Variants in EMC10 observed in about 807,000 individuals in gnomAD.
The protein encoded by EMC10 is ER membrane protein complex subunit 10, also known as UPF0510 protein INM02.
EMC10 carries 40 observed loss-of-function variants against 32.2 expected under a neutral mutation model. The observed-to-expected ratio is 1.24, with a 90% CI of 0.96 to 1.61. EMC10 has a LOEUF of 1.61. Among genes scored for constraint, EMC10 ranks in the 40% most tolerant of loss-of-function variants. The pLI is 0.00. For synonymous variants in EMC10, 178 were observed against 158.4 expected, an observed-to-expected ratio of 1.12 and a Z score of -0.93; for missense variants, 402 against 357.7, an observed-to-expected ratio of 1.12 and a Z score of -1.00.
At position 50,486,665 on chromosome 19, in the gene EMC10, A is replaced by G. The variant is rs528057364; in HGVS notation, c.*4406A>G. ...ATTTGGCCCATTTCCTGGAAATGCA[A>G]TCTCCCAAACAGGTTTGTGTGAACC... On this transcript the variant is annotated 3_prime_UTR_variant, in exon 7 of 7. Coordinates refer to ENST00000334976, the MANE Select transcript of EMC10 (RefSeq NM_206538.4). 5 of 152,218 alleles carry G rather than the reference A, an allele frequency of 3.3e-5. No individual in the cohort carries two copies. The South Asian group carries it at 6.2e-4, about 19-fold the overall frequency. The allele number at this position is 152,218 out of a possible 1,614,324, so 9.4% of individuals were successfully genotyped here. A position where few individuals can be genotyped will look rare whatever the true frequency, so the allele number is the denominator to read the frequency against.
chr19:50,480,073 C>T lies in EMC10; in HGVS notation c.298-38C>T. The stretch of plus-strand genomic sequence containing the variant: ...CATCACAGCCTGTCCAGGGCTGACA[C>T]CATCCTTCTGACCAGCACCCTCTTC... On this transcript the variant is annotated intron_variant, in intron 3 of 6. Coordinates refer to ENST00000334976, the MANE Select transcript of EMC10 (RefSeq NM_206538.4). This position sits in a 1 kb window ranked among gnomAD's most constrained non-coding sequence, Gnocchi z 4.4. 6.5e-7 allele frequency: 1 copy of T among 1,534,644 alleles called. No homozygotes were observed. Among genetic ancestry groups the T allele is most frequent in the Non-Finnish European group, 8.9e-7 (1 of 1,126,402 alleles).
In EMC10 at chr19:50,480,905, T is replaced by G; in HGVS notation, c.606T>G (p.Ile202Met). 1.2e-6 allele frequency: 2 copies of G among 1,609,650 alleles called. No individual in the cohort carries two copies. Among genetic ancestry groups the G allele is most frequent in the South Asian group, 2.2e-5 (2 of 90,918 alleles). ...CCAGCCCTGAGACGGCGGCCTTCAT[T>G]GAGCGCCTGGAGATGGAACAGGCCC... ...TAPGPETAAF[I>M]ERLEMEQAQK... Residue 202 changes from isoleucine to methionine, a missense_variant, in exon 6 of 7, where the codon ATT (isoleucine) becomes ATG (methionine). By Grantham distance (10) the Ile-to-Met change is conservative. Transcript: ENST00000334976. This position sits in a 1 kb window ranked among gnomAD's most constrained non-coding sequence, Gnocchi z 4.4.
rs1043374847 is a variant in EMC10 at position 50,476,817 on chromosome 19, G to A, written c.114+159G>A. The A allele has an allele frequency of 7.3e-6, 4 of 547,230 alleles. No individual in the cohort carries two copies. In the African/African-American group the frequency reaches 8.0e-5, roughly 11 times the overall value. 33.9% of individuals were successfully genotyped at this position (547,230 alleles called of 1,614,324 possible). On this transcript the variant is annotated intron_variant, in intron 1 of 6. Transcript: ENST00000334976. ...GGCCTCAGTCACGCACGCGCAGGAG[G>A]GGCCTCGCCAGTGCACCGGGTTGCA... is the stretch of plus-strand genomic sequence containing the variant.
At position 50,487,436 on chromosome 19, in the gene EMC10, G is replaced by C. The variant is rs1028371346; in HGVS notation, c.*5177G>C. On this transcript the variant is annotated 3_prime_UTR_variant, in exon 7 of 7. Coordinates refer to ENST00000334976, the MANE Select transcript of EMC10 (RefSeq NM_206538.4). Reference sequence around the variant, plus strand: ...AAGTTGCTTCCTGTCTCTGAGCGTCGTCTTTGTTTCCGCCTTCCTGGGCCT... The same window carrying C: ...AAGTTGCTTCCTGTCTCTGAGCGTCCTCTTTGTTTCCGCCTTCCTGGGCCT... 1.3e-5 allele frequency: 2 copies of C among 152,466 alleles called. No homozygotes were observed. Among genetic ancestry groups the C allele is most frequent in the African/African-American group, 4.8e-5 (2 of 41,450 alleles). The allele number at this position is 152,466 out of a possible 1,614,324, so 9.4% of individuals were successfully genotyped here.
rs368218852 is a variant in EMC10, at chr19:50,483,437, C to G, written c.*1178C>G. On this transcript the variant is annotated 3_prime_UTR_variant, in exon 7 of 7. Transcript: ENST00000334976. Reference sequence around the variant, plus strand: ...CTCTTGGGTGTGGTTTGAATGATCTCGGGATGCATGACTAAAATGGAATTA... The same window carrying G: ...CTCTTGGGTGTGGTTTGAATGATCTGGGGATGCATGACTAAAATGGAATTA... The G allele has an allele frequency of 5.8e-6, 1 of 171,318 alleles. No individual in the cohort carries two copies. The highest frequency in any genetic ancestry group is 2.4e-5 in the African/African-American group (1 of 41,772). 10.6% of individuals were successfully genotyped at this position (171,318 alleles called of 1,614,324 possible).
chr19:50,479,799 C>T (rs1319061993), intron 3 of EMC10, among the ~76,000 whole-genome samples: 3 of 152,242 alleles, frequency 2.0e-5, no homozygotes, highest in African/African-American at 4.8e-5. Context: ...ATAGGGTGGA[C>T]GCCAGGTGCA....
In EMC10 at chr19:50,489,135, C is replaced by T. The variant is rs990084337; in HGVS notation, c.*6876C>T. 17 of 151,530 alleles carry T rather than the reference C, an allele frequency of 1.1e-4. No homozygotes were observed. The highest frequency in any genetic ancestry group is 3.9e-4 in the African/African-American group (16 of 41,004). 9.4% of individuals were successfully genotyped at this position (151,530 alleles called of 1,614,324 possible). A position where few individuals can be genotyped will look rare whatever the true frequency, so the allele number is the denominator to read the frequency against. ...TTAAGAAGGGAAGGAGAGAGACAGA[C>T]ATTAGGGAAGAAGGAAAGGAGAAAG... On this transcript the variant is annotated 3_prime_UTR_variant, in exon 7 of 7. Transcript: ENST00000334976.
At chr19:50,479,277 C>T (rs1160612900) in intron 3 of EMC10, among the ~76,000 whole-genome samples, 1 of 152,254 alleles carries the variant, frequency 6.6e-6, no homozygotes, top group Non-Finnish European at 1.5e-5. Context: ...TGGTGTCCTG[C>T]ATCACGGCCT....
chr19:50,482,079 C>G, intron 6 of EMC10, 70 bp from the exon 7 acceptor site: 1 of 1,381,780 alleles, frequency 7.2e-7, no homozygotes, highest in South Asian at 1.2e-5. Context: ...GTGGGTGATG[C>G]CCACACTCAC....
rs2040377284 is a variant in EMC10, at chr19:50,485,247, T to G, written c.*2988T>G. On this transcript the variant is annotated 3_prime_UTR_variant, in exon 7 of 7. Coordinates refer to ENST00000334976, the MANE Select transcript of EMC10 (RefSeq NM_206538.4). The stretch of plus-strand genomic sequence containing the variant: ...ATGTGTGTGTGATGGTGGTGCATGC[T>G]TCCCCCTTGCTACTCCAGGTGTCTG... 6.6e-6 allele frequency: 1 copy of G among 152,166 alleles called. No homozygotes were observed. The highest frequency in any genetic ancestry group is 6.5e-5 in the Admixed American group (1 of 15,274). 9.4% of individuals were successfully genotyped at this position (152,166 alleles called of 1,614,324 possible).
rs1372601554 is a variant in EMC10, at chr19:50,482,385, C to T, written c.*126C>T. ...CCTCCTTTCCCCCCGTCCCACGAGG[C>T]CACCTGGGCCAGCCCCTTGTCCTCT... is the stretch of plus-strand genomic sequence containing the variant. On this transcript the variant is annotated 3_prime_UTR_variant, in exon 7 of 7. Coordinates refer to ENST00000334976, the MANE Select transcript of EMC10 (RefSeq NM_206538.4). 3.3e-6 allele frequency: 2 copies of T among 610,448 alleles called. No homozygotes were observed. The highest frequency in any genetic ancestry group is 1.9e-5 in the South Asian group (1 of 51,842). 37.8% of individuals were successfully genotyped at this position (610,448 alleles called of 1,614,324 possible).
At chr19:50,481,401 C>G in intron 6 of EMC10, 2 of 218,512 alleles carry the variant, frequency 9.2e-6, no homozygotes, top group Non-Finnish European at 1.8e-5. Flanking sequence ...CCTGGGAGGC[C>G]TCCTGGAGCT....
chr19:50,480,525 A>G lies in EMC10; in HGVS notation c.403-56A>G, dbSNP rs2040300758. The G allele has an allele frequency of 9.8e-6, 15 of 1,528,104 alleles. No individual in the cohort carries two copies. Among genetic ancestry groups the G allele is most frequent in the Non-Finnish European group, 1.3e-5 (15 of 1,131,694 alleles). The allele number at this position is 1,528,104 out of a possible 1,614,324, so 94.7% of individuals were successfully genotyped here. ...CCTGTGGTGGGGGCCGGGGGAGGTT[A>G]GGGTGGAGCCCAGGCAGCAGGCTCC... On this transcript the variant is annotated intron_variant, in intron 4 of 6. Transcript: ENST00000334976. The surrounding 1 kb of genome is among the most constrained non-coding windows in gnomAD (Gnocchi z 4.4).
At position 50,489,398 on chromosome 19, in the gene EMC10, C is replaced by G. The variant is rs923013719; in HGVS notation, c.*7139C>G. 1 of 152,392 alleles carries G rather than the reference C, an allele frequency of 6.6e-6. No individual in the cohort carries two copies. The highest frequency in any genetic ancestry group is 2.4e-5 in the African/African-American group (1 of 41,448). The allele number at this position is 152,392 out of a possible 1,614,324, so 9.4% of individuals were successfully genotyped here. The stretch of plus-strand genomic sequence containing the variant: ...AGAAGGGAGAGAGGATTGGAAGTAG[C>G]GACAGAGGACCATGCCCCTCCAGCT... On this transcript the variant is annotated 3_prime_UTR_variant, in exon 7 of 7. Transcript: ENST00000334976.
In EMC10 at chr19:50,487,096, C is replaced by T. The variant is rs45560038; in HGVS notation, c.*4837C>T. ...GGAGGGAAGTGTCCTGCAGGGGGCGCTGTTGGTCCTTCAGGCAAGGTCGGG... is the reference window on the plus strand; with the variant it reads ...GGAGGGAAGTGTCCTGCAGGGGGCGTTGTTGGTCCTTCAGGCAAGGTCGGG... On this transcript the variant is annotated 3_prime_UTR_variant, in exon 7 of 7. Transcript: ENST00000334976. 0.12 allele frequency: 17,628 copies of T among 152,180 alleles called. 1,272 individuals carry two copies. The highest frequency in any genetic ancestry group is 0.16 in the Non-Finnish European group (10,980 of 67,992). 9.4% of individuals were successfully genotyped at this position (152,180 alleles called of 1,614,324 possible). A position where few individuals can be genotyped will look rare whatever the true frequency, so the allele number is the denominator to read the frequency against.
intron 6 of EMC10, 48 bp downstream of exon 6, chr19:50,481,025 G>C (rs768272380): frequency 1.3e-6 from 2 of 1,486,216 alleles, no homozygotes; most frequent in Non-Finnish European, 1.9e-6. Flanking sequence ...GACAGTCCCG[G>C]TGCCTGGCCA....
intron 6 of EMC10, chr19:50,481,794 A>G (rs1432668383): frequency 5.7e-6 from 8 of 1,415,458 alleles, no homozygotes; most frequent in Non-Finnish European, 7.5e-6. Flanking sequence ...GCGCCCTCCC[A>G]CTCCCTGCTG....
rs2040351007 is a variant in EMC10, at chr19:50,483,198, AC to A, written c.*940del. ...CAAAAGCAACTGTTGTTTTGGCAAG[AC>A]GGTCCTGATGTACAAGCTTGATTGA... On this transcript the variant is annotated 3_prime_UTR_variant, in exon 7 of 7. Coordinates refer to ENST00000334976, the MANE Select transcript of EMC10 (RefSeq NM_206538.4). 2.2e-6 allele frequency: 1 copy of A among 449,738 alleles called. No homozygotes were observed. 27.9% of individuals were successfully genotyped at this position (449,738 alleles called of 1,614,324 possible). A position where few individuals can be genotyped will look rare whatever the true frequency, so the allele number is the denominator to read the frequency against.
rs1055710593 is a variant in EMC10 at position 50,487,345 on chromosome 19, C to G, written c.*5086C>G. ...GGATCGGCAGATTCAGGAGCCCACT[C>G]CTGGCCAACCCCAGGGGCCCCACCC... On this transcript the variant is annotated 3_prime_UTR_variant, in exon 7 of 7. Coordinates refer to ENST00000334976, the MANE Select transcript of EMC10 (RefSeq NM_206538.4). The G allele has an allele frequency of 2.0e-5, 3 of 152,304 alleles. No homozygotes were observed. Among genetic ancestry groups the G allele is most frequent in the Non-Finnish European group, 4.4e-5 (3 of 68,102 alleles). 9.4% of individuals were successfully genotyped at this position (152,304 alleles called of 1,614,324 possible).
Sources: allele counts gnomAD v4.1 joint callset (sites outside exome capture counted in the v4.1 genomes callset), GRCh38; gene constraint gnomAD v4.1.1; non-coding constraint Gnocchi (gnomAD v3.1); transcripts MANE v1.5; gene names NCBI Gene and HGNC (gene_info 2026-07-23, HGNC 2026-07-21).